The following CPLANE1 variants were observed in gnomAD, a reference collection of about 807,000 sequenced individuals.
CPLANE1 encodes the protein ciliogenesis and planar polarity effector 1.
Under a neutral mutation model 362.5 loss-of-function variants are expected in CPLANE1, and 263 were observed. The observed-to-expected ratio is 0.73, with a 90% CI of 0.66 to 0.80. The LOEUF is 0.80. CPLANE1 is among the 30% of genes least tolerant of loss of function. The pLI, the probability that CPLANE1 is intolerant of heterozygous loss-of-function variation, is 0.00. For missense variants in CPLANE1, 3,461 were observed against 3,793.4 expected (o/e 0.91, Z 2.30); for synonymous variants, 1,212 against 1,302.6 (o/e 0.93, Z 1.50).
Position 37,177,621 on chromosome 5 carries a change from C to T in CPLANE1, c.5900G>A (p.Gly1967Asp), listed in dbSNP as rs138049045. ...IMEEKSTEQK[G>D]MIEAFSHPGH... ...ACTGTCATACTTTTTTCCCCCTTAC[C>T]CTTTTTGTTCAGTCGATTTTTCCTC... The change falls in exon 30 of 53, where the codon GGT becomes GAT. Residue 1967 changes from glycine (G) to aspartate (D), a missense_variant and splice_region_variant. By Grantham distance (94) the Gly-to-Asp change is moderately conservative. This residue lies in a region of CPLANE1 where 3,380 missense variants were observed against 3,666.1 expected (regional missense o/e 0.92). Transcript: ENST00000651892. 3 of 1,611,522 alleles carry T rather than the reference C, an allele frequency of 1.9e-6. No homozygotes were observed. Among genetic ancestry groups the T allele is most frequent in the Non-Finnish European group, 1.7e-6 (2 of 1,178,044 alleles).
chr5:37,192,828 C>A (rs957575387), intron 21 of CPLANE1, among the ~76,000 whole-genome samples: 1 of 145,260 alleles, frequency 6.9e-6, no homozygotes, highest in East Asian at 2.0e-4. Flanking sequence ...TACACTCCAG[C>A]CTGGGCAACA....
At chr5:37,168,540 T>C (rs752767328) in intron 34 of CPLANE1, among the ~76,000 whole-genome samples, 20 of 152,204 alleles carry the variant, frequency 1.3e-4, no homozygotes, top group South Asian at 1.0e-3. Context: ...TCTCCCTATG[T>C]TACCCAGGCT....
chr5:37,239,178 CTTA>C (rs1364923155), intron 7 of CPLANE1, among the ~76,000 whole-genome samples: 1 of 152,104 alleles, frequency 6.6e-6, no homozygotes, highest in Non-Finnish European at 1.5e-5. Context: ...CTCTTTTTCC[CTTA>C]TTCTTTTTTC....
chr5:37,232,471 C>T (rs542120481), intron 8 of CPLANE1, among the ~76,000 whole-genome samples: 2 of 146,642 alleles, frequency 1.4e-5, no homozygotes, highest in East Asian at 2.0e-4. Flanking sequence ...GAGACGAGAT[C>T]GCACTACTTC....
downstream of CPLANE1, among the ~76,000 whole-genome samples, chr5:37,103,152 T>A (rs1309217505): frequency 6.6e-6 from 1 of 152,178 alleles, no homozygotes; most frequent in Non-Finnish European, 1.5e-5. Context: ...GCCTTCTTTT[T>A]TTATCTTTGT....
intron 16 of CPLANE1, among the ~76,000 whole-genome samples, chr5:37,207,519 AC>A (rs909919695): frequency 2.8e-4 from 42 of 152,254 alleles, no homozygotes; most frequent in African/African-American, 9.6e-4. Flanking sequence ...AAAAAAGTTC[AC>A]GACCTTTTAA....
chr5:37,206,330 G>C lies in CPLANE1; in HGVS notation c.3016C>G (p.Leu1006Val). 6.4e-7 allele frequency: 1 copy of C among 1,551,460 alleles called. No homozygotes were observed. Among genetic ancestry groups the C allele is most frequent in the Non-Finnish European group, 8.7e-7 (1 of 1,146,762 alleles). Residue 1006 changes from leucine to valine, a missense_variant, in exon 17 of 53, where the codon CTT (leucine) becomes GTT (valine). This residue lies in a region of CPLANE1 where 3,380 missense variants were observed against 3,666.1 expected (regional missense o/e 0.92). Coordinates refer to ENST00000651892, the MANE Select transcript of CPLANE1 (RefSeq NM_001384732.1). ...LSNVWTVEYA[L>V]ELLFIGGLVP... ...AGGCCACCAATAAATAGTAATTCAA[G>C]TGCATATTCAACTGTCCACACATTA...
intron 51 of CPLANE1, among the ~76,000 whole-genome samples, chr5:37,112,169 A>G (rs1016339019): frequency 5.3e-5 from 8 of 152,234 alleles, no homozygotes; most frequent in African/African-American, 1.7e-4. Flanking sequence ...AATTATTGTC[A>G]TCTAGAAAGA....
At chr5:37,206,505 C>A in intron 16 of CPLANE1, 80 bp from the exon 17 acceptor site, 1 of 920,400 alleles carries the variant, frequency 1.1e-6, no homozygotes, top group South Asian at 1.5e-5. Context: ...TTTATCTCTT[C>A]AATCAGTATT....
At chr5:37,177,381 G>A (rs1781461536) in intron 30 of CPLANE1, among the ~76,000 whole-genome samples, 1 of 152,116 alleles carries the variant, frequency 6.6e-6, no homozygotes, top group Non-Finnish European at 1.5e-5. Flanking sequence ...ATTTTGATAA[G>A]GCTGATAGTG....
intron 15 of CPLANE1, among the ~76,000 whole-genome samples, chr5:37,217,333 C>T (rs956344564): frequency 6.6e-6 from 1 of 152,150 alleles, no homozygotes; most frequent in African/African-American, 2.4e-5. Flanking sequence ...CGACCGGGTG[C>T]AGTGGCTCAT....
At chr5:37,080,981 G>T in the CPLANE1 span, among the ~76,000 whole-genome samples, 2 of 152,110 alleles carry the variant, frequency 1.3e-5, no homozygotes, top group African/African-American at 2.4e-5. Context: ...CAAGCCAACA[G>T]AATTCACAAT....
chr5:37,154,167 A>G lies in CPLANE1; in HGVS notation c.8120-174T>C, dbSNP rs10512663. On this transcript the variant is annotated intron_variant, in intron 41 of 52. Transcript: ENST00000651892. ...CAGCTTCTTGATTTCTGGGATAAGAATACATAAATTACTACAACAAAGTTC... is the reference window on the plus strand; with the variant it reads ...CAGCTTCTTGATTTCTGGGATAAGAGTACATAAATTACTACAACAAAGTTC... 0.046 allele frequency among the ~76,000 whole-genome samples: 7,014 copies of G among 152,240 alleles called. 554 individuals carry two copies. The highest frequency in any genetic ancestry group is 0.16 in the African/African-American group (6,662 of 41,494).
intron 15 of CPLANE1, among the ~76,000 whole-genome samples, chr5:37,218,676 G>A (rs1469365312): frequency 5.9e-5 from 9 of 152,106 alleles, no homozygotes; most frequent in Admixed American, 2.6e-4. Context: ...AGCTGGGCGC[G>A]GTGGCTCACG....
intron 46 of CPLANE1, among the ~76,000 whole-genome samples, chr5:37,138,045 T>A (rs748051384): frequency 6.6e-6 from 1 of 152,090 alleles, no homozygotes; most frequent in African/African-American, 2.4e-5. Flanking sequence ...GTTCTACAGA[T>A]GTTTATTAGG....
chr5:37,151,346 G>A (rs746927224), intron 42 of CPLANE1, among the ~76,000 whole-genome samples: 4 of 152,068 alleles, frequency 2.6e-5, no homozygotes, highest in Non-Finnish European at 4.4e-5. Context: ...CACTTACCCC[G>A]TCCAGTCACA....
At chr5:37,081,407 C>G in the CPLANE1 span, among the ~76,000 whole-genome samples, 7 of 152,140 alleles carry the variant, frequency 4.6e-5, no homozygotes, top group Non-Finnish European at 1.0e-4. Flanking sequence ...ACTGCAACCT[C>G]CACCTCCCGA....
At chr5:37,085,595 A>C in the CPLANE1 span, 1 of 885,208 alleles carries the variant, frequency 1.1e-6, no homozygotes, top group Admixed American at 1.7e-5. Flanking sequence ...GTACACTGGT[A>C]ACCTGTGTAT....
chr5:37,145,026 C>T (rs1442079346), intron 43 of CPLANE1, among the ~76,000 whole-genome samples: 2 of 151,884 alleles, frequency 1.3e-5, no homozygotes, highest in Non-Finnish European at 2.9e-5. Context: ...TTATCAGAGG[C>T]CGGGCGTGGT....
Sources: gnomAD v4.1 joint callset for allele counts (sites outside exome capture counted in the v4.1 genomes callset) on GRCh38, gnomAD v4.1.1 for gene constraint, gnomAD v4.1.1 regional missense constraint, MANE v1.5 for transcripts, NCBI Gene and HGNC (gene_info 2026-07-23, HGNC 2026-07-21) for gene names.